The following MDFIC variants were observed in gnomAD, a reference collection of about 807,000 sequenced individuals.
MDFIC encodes the protein myoD family inhibitor domain-containing protein.
In MDFIC, 17 loss-of-function variants were observed where a neutral mutation model predicts 23.2. The observed-to-expected ratio is 0.73, with a 90% CI of 0.50 to 1.10. The LOEUF (loss-of-function observed/expected upper bound fraction) is 1.10, where lower values mean the gene tolerates loss of function less well. Ranked by LOEUF, MDFIC falls within the 50% of genes least tolerant of loss-of-function variation. MDFIC has a pLI of 0.00. For synonymous variants in MDFIC, 120 were observed against 115.2 expected, an observed-to-expected ratio of 1.04 and a Z score of -0.27; for missense variants, 356 against 316.6, an observed-to-expected ratio of 1.12 and a Z score of -0.95.
At chr7:114,979,145 T>G (rs1020956242) in intron 3 of MDFIC, among the ~76,000 whole-genome samples, 18 of 152,178 alleles carry the variant, frequency 1.2e-4, no homozygotes, top group Admixed American at 3.3e-4. Context: ...CTGTTGTGTC[T>G]ATGCACAAAG....
chr7:114,935,061 C>T (rs1477374404), intron 2 of MDFIC, among the ~76,000 whole-genome samples: 2 of 152,046 alleles, frequency 1.3e-5, no homozygotes, highest in Non-Finnish European at 2.9e-5. Context: ...TTCTGAACTG[C>T]TGGGAAAATA....
intron 4 of MDFIC, among the ~76,000 whole-genome samples, chr7:114,995,853 C>A (rs976888219): frequency 1.2e-4 from 18 of 152,180 alleles, no homozygotes; most frequent in African/African-American, 4.1e-4. Context: ...GCTGGGAGAA[C>A]CACTACTTCA....
chr7:114,947,543 G>A (rs1379773546), intron 3 of MDFIC, among the ~76,000 whole-genome samples: 1 of 152,128 alleles, frequency 6.6e-6, no homozygotes. Context: ...CTAGCATGGA[G>A]GTCAAGTTAC....
intron 1 of MDFIC, 46 bp downstream of exon 1, chr7:114,922,682 A>C: frequency 7.5e-7 from 1 of 1,340,462 alleles, no homozygotes; most frequent in Non-Finnish European, 9.6e-7. Context: ...TTTGATCCCC[A>C]TCCCCGGGGT....
rs1302898090 is a variant in MDFIC at position 114,922,452 on chromosome 7, T to C, written c.-292T>C. On this transcript the variant is annotated 5_prime_UTR_variant, in exon 1 of 5. Transcript: ENST00000393486. ...TCAGAGCCGCCACCGCTGCCGCAGT[T>C]GCCGCCACTGCGGCGTCTGGGCTGA... 1 of 1,244,560 alleles carries C rather than the reference T, an allele frequency of 8.0e-7. No individual in the cohort carries two copies. Among genetic ancestry groups the C allele is most frequent in the Non-Finnish European group, 1.0e-6 (1 of 988,992 alleles). The allele number at this position is 1,244,560 out of a possible 1,614,324, so 77.1% of individuals were successfully genotyped here.
Position 115,012,419 on chromosome 7 carries a change from C to T in MDFIC, c.494-3269C>T, listed in dbSNP as rs143067720. On this transcript the variant is annotated intron_variant, in intron 4 of 4. Transcript: ENST00000393486. ...ACAACTTGCACATGTTAAATTGTGA[C>T]AGTTTCAAAGATTGGTGAGAATGTG... Among the ~76,000 whole-genome samples, 674 of 152,236 alleles carry T rather than the reference C, an allele frequency of 4.4e-3. 5 individuals are homozygous for T. Among genetic ancestry groups the T allele is most frequent in the Middle Eastern group, 0.02 (6 of 294 alleles).
At chr7:115,004,049 T>TA (rs1320246252) in intron 4 of MDFIC, among the ~76,000 whole-genome samples, 6 of 152,262 alleles carry the variant, frequency 3.9e-5, no homozygotes, top group East Asian at 3.9e-4. Flanking sequence ...AATAAAAATT[T>TA]AAAAAATACA....
In MDFIC at chr7:114,962,219, T is replaced by C. The variant is rs914967381; in HGVS notation, c.218-17287T>C. Among the ~76,000 whole-genome samples the C allele has an allele frequency of 9.2e-5, 14 of 152,204 alleles. No individual in the cohort carries two copies. In the East Asian group the frequency reaches 2.7e-3, roughly 29 times the overall value. ...TGTGTTCAACCTCTGTGTTTCTCAA[T>C]GGACAAATTGAAGCAGAGAAGTAAG... On this transcript the variant is annotated intron_variant, in intron 3 of 4. Transcript: ENST00000393486.
At chr7:114,924,266 A>G (rs1172721297) in intron 2 of MDFIC, among the ~76,000 whole-genome samples, 1 of 152,194 alleles carries the variant, frequency 6.6e-6, no homozygotes, top group Non-Finnish European at 1.5e-5. Context: ...TCCACCTTGT[A>G]TTGTCAGCAC....
chr7:114,946,819 T>G (rs1792654869), intron 3 of MDFIC, among the ~76,000 whole-genome samples: 2 of 152,136 alleles, frequency 1.3e-5, no homozygotes, highest in Non-Finnish European at 2.9e-5. Context: ...CATCTGCAAT[T>G]GCTCTCAACA....
At chr7:114,987,765 TTTTG>T (rs1470859142) in intron 4 of MDFIC, among the ~76,000 whole-genome samples, 3 of 152,176 alleles carry the variant, frequency 2.0e-5, no homozygotes, top group Non-Finnish European at 2.9e-5. Context: ...AATCATTAAT[TTTTG>T]TTTACTTGAA....
intron 4 of MDFIC, among the ~76,000 whole-genome samples, chr7:114,985,389 G>C (rs183668664): frequency 1.3e-5 from 2 of 152,242 alleles, no homozygotes; most frequent in Admixed American, 6.5e-5. Flanking sequence ...GGACCTGAAA[G>C]ACAAGACAAA....
intron 4 of MDFIC, among the ~76,000 whole-genome samples, chr7:114,980,289 T>C (rs928351237): frequency 6.6e-6 from 1 of 152,178 alleles, no homozygotes; most frequent in Non-Finnish European, 1.5e-5. Context: ...GACCAGCATC[T>C]TCCAGCCGCC....
chr7:114,926,581 T>A (rs917691189), intron 2 of MDFIC, among the ~76,000 whole-genome samples: 2 of 152,192 alleles, frequency 1.3e-5, no homozygotes, highest in Admixed American at 6.5e-5. Context: ...TTTAATGTGA[T>A]AATGTGTGAT....
Position 114,928,554 on chromosome 7 carries a change from A to AG in MDFIC, c.94+5428dup, listed in dbSNP as rs551783573. Among the ~76,000 whole-genome samples, 270 of 152,232 alleles carry AG rather than the reference A, an allele frequency of 1.8e-3. 2 individuals are homozygous for AG. Among genetic ancestry groups the AG allele is most frequent in the Non-Finnish European group, 3.5e-3 (236 of 68,010 alleles). Reference sequence around the variant, plus strand: ...AGTGGTAGAAAACAAGGCTTGGGGGAGATGATTACAGAATATTGGGTACTT... The same window carrying AG: ...AGTGGTAGAAAACAAGGCTTGGGGGAGGATGATTACAGAATATTGGGTACTT... On this transcript the variant is annotated intron_variant, in intron 2 of 4. Coordinates refer to ENST00000393486, the MANE Select transcript of MDFIC (RefSeq NM_001166345.3).
intron 3 of MDFIC, among the ~76,000 whole-genome samples, chr7:114,942,652 A>C (rs902372360): frequency 2.0e-5 from 3 of 152,192 alleles, no homozygotes; most frequent in African/African-American, 7.2e-5. Flanking sequence ...GTCAAAATTC[A>C]GTTCCTTTTT....
At position 115,019,690 on chromosome 7, in the gene MDFIC, C is replaced by G. The variant is rs1422294411; in HGVS notation, c.*3755C>G. Among the ~76,000 whole-genome samples, 1 of 152,090 alleles carries G rather than the reference C, an allele frequency of 6.6e-6. No homozygotes were observed. Among genetic ancestry groups the G allele is most frequent in the Non-Finnish European group, 1.5e-5 (1 of 67,970 alleles). The stretch of plus-strand genomic sequence containing the variant: ...GGCCTGTAGGATTGTTGCATCTAAT[C>G]TGACTGGCAACAGAAAATGTCATCA... On this transcript the variant is annotated 3_prime_UTR_variant, in exon 5 of 5. Coordinates refer to ENST00000393486, the MANE Select transcript of MDFIC (RefSeq NM_001166345.3).
chr7:114,981,794 G>C (rs968770575), intron 4 of MDFIC, among the ~76,000 whole-genome samples: 1 of 152,024 alleles, frequency 6.6e-6, no homozygotes, highest in African/African-American at 2.4e-5. Flanking sequence ...CTCAAAGTTC[G>C]ATATCTTCAT....
chr7:114,989,131 A>G (rs563651332), intron 4 of MDFIC, among the ~76,000 whole-genome samples: 1 of 152,326 alleles, frequency 6.6e-6, no homozygotes, highest in African/African-American at 2.4e-5. Context: ...TATCTGGCTG[A>G]GAGGAAACAA....
Sources: gnomAD v4.1 joint callset for allele counts (sites outside exome capture counted in the v4.1 genomes callset) on GRCh38, gnomAD v4.1.1 for gene constraint, MANE v1.5 for transcripts, NCBI Gene and HGNC (gene_info 2026-07-23, HGNC 2026-07-21) for gene names.